SCAPER: variants seen among roughly 807,000 people sequenced by gnomAD.
SCAPER encodes the protein S-phase cyclin A associated protein in the ER, also known as S phase cyclin A-associated protein in the endoplasmic reticulum.
SCAPER carries 98 observed loss-of-function variants against 182.2 expected under a neutral mutation model. The ratio of observed to expected loss-of-function variants is 0.54; its 90% CI spans 0.46 to 0.64. The LOEUF (loss-of-function observed/expected upper bound fraction) is 0.64. Among genes scored for constraint, SCAPER ranks in the 30% least tolerant of loss-of-function variants. The pLI, the probability that SCAPER is intolerant of heterozygous loss-of-function variation, is 0.00. For synonymous variants in SCAPER, 605 were observed against 564.6 expected (o/e 1.07, Z -1.01); for missense variants, 1,432 against 1,690.0 (o/e 0.85, Z 2.68).
rs115333490 is a variant in SCAPER, at chr15:76,647,631, C to G, written c.2645+18022G>C. ...TATGCAGAGAAGGTCTACAAATCTT[C>G]AGAGAGGCCCCACTGAGTCTCTGGC... is the stretch of plus-strand genomic sequence containing the variant. On this transcript the variant is annotated intron_variant, in intron 21 of 31. Transcript: ENST00000563290. Among the ~76,000 whole-genome samples, 1,238 of 152,284 alleles carry G rather than the reference C, an allele frequency of 8.1e-3. 13 individuals carry two copies. Among genetic ancestry groups the G allele is most frequent in the African/African-American group, 0.028 (1,174 of 41,562 alleles).
chr15:76,598,215 G>C (rs537319429), intron 22 of SCAPER, among the ~76,000 whole-genome samples: 1 of 121,834 alleles, frequency 8.2e-6, no homozygotes, highest in East Asian at 2.2e-4. Flanking sequence ...ATCATCAATG[G>C]TCATTAAAGA....
chr15:76,759,199 G>GT (rs2062628775), intron 14 of SCAPER, among the ~76,000 whole-genome samples: 4 of 152,126 alleles, frequency 2.6e-5, no homozygotes, highest in Admixed American at 2.6e-4. Flanking sequence ...TTAACTGTGG[G>GT]TTGTTCATAT....
chr15:76,687,207 C>G (rs941482088), intron 20 of SCAPER, among the ~76,000 whole-genome samples: 1 of 151,812 alleles, frequency 6.6e-6, no homozygotes, highest in Admixed American at 6.6e-5. Flanking sequence ...TGAACAAAAA[C>G]CAATCGGATA....
rs113037320 is a variant in SCAPER at position 76,733,134 on chromosome 15, C to T, written c.2022+95G>A. On this transcript the variant is annotated intron_variant, in intron 16 of 31. Coordinates refer to ENST00000563290, the MANE Select transcript of SCAPER (RefSeq NM_020843.4). ...CTTTATTTCTACAATCTCCCATCTC[C>T]GCACATGGGGAGAAAAACCCACCGA... 1.1e-3 allele frequency: 1,265 copies of T among 1,105,624 alleles called. 13 individuals are homozygous for T. The African/African-American group carries it at 0.016, about 14-fold the overall frequency. 68.5% of individuals were successfully genotyped at this position (1,105,624 alleles called of 1,614,324 possible). A position where few individuals can be genotyped will look rare whatever the true frequency, so the allele number is the denominator to read the frequency against.
chr15:76,709,388 C>T (rs1279831984), intron 17 of SCAPER, among the ~76,000 whole-genome samples: 2 of 152,264 alleles, frequency 1.3e-5, no homozygotes, highest in Non-Finnish European at 2.9e-5. Context: ...CACGCCTTGG[C>T]CTCCCAAAGT....
At chr15:76,788,302 A>G (rs1260046342) in intron 8 of SCAPER, among the ~76,000 whole-genome samples, 1 of 152,216 alleles carries the variant, frequency 6.6e-6, no homozygotes, top group Non-Finnish European at 1.5e-5. Flanking sequence ...TATACTAAAA[A>G]CCAATGAACT....
Position 76,354,128 on chromosome 15 carries a change from A to G in SCAPER, c.3868T>C (p.Ser1290Pro). 1.2e-6 allele frequency: 2 copies of G among 1,604,054 alleles called. No individual in the cohort carries two copies. Among genetic ancestry groups the G allele is most frequent in the Non-Finnish European group, 1.7e-6 (2 of 1,176,772 alleles). ...TGCAGCACTGTGGGGTGGCGGCCGG[A>G]CTGCACGATCACCTGAAATGGAAGA... ...NHPDNQVIVQ[S>P]GRHPTVLQKL... The change falls in exon 30 of 32, where the codon TCC becomes CCC. Residue 1290 changes from serine to proline, a missense_variant. Physicochemically the swap from Ser to Pro is moderately conservative, Grantham distance 74. Transcript: ENST00000563290. The surrounding 1 kb of genome is among the most constrained non-coding windows in gnomAD (Gnocchi z 4.4).
chr15:76,583,449 A>G, intron 22 of SCAPER, among the ~76,000 whole-genome samples: 1 of 152,188 alleles, frequency 6.6e-6, no homozygotes, highest in Admixed American at 6.5e-5. Flanking sequence ...AATCTTCTGC[A>G]TAGCAGAGGA....
chr15:76,468,506 C>G (rs2049866784), intron 25 of SCAPER, among the ~76,000 whole-genome samples: 1 of 152,008 alleles, frequency 6.6e-6, no homozygotes, highest in South Asian at 2.1e-4. Flanking sequence ...CTTTATTATT[C>G]AAAGGGAACT....
chr15:76,608,760 G>A (rs1244896899), intron 22 of SCAPER, among the ~76,000 whole-genome samples: 1 of 152,206 alleles, frequency 6.6e-6, no homozygotes, highest in Non-Finnish European at 1.5e-5. Context: ...CTGCCTTGCA[G>A]TTTGGTCTCG....
intron 23 of SCAPER, among the ~76,000 whole-genome samples, chr15:76,507,484 T>C (rs1034000661): frequency 3.3e-5 from 5 of 152,292 alleles, no homozygotes; most frequent in African/African-American, 9.6e-5. Context: ...TCTAATAGCA[T>C]TCCACAGCCT....
chr15:76,361,364 A>G (rs902506511), intron 29 of SCAPER, among the ~76,000 whole-genome samples: 7 of 152,226 alleles, frequency 4.6e-5, no homozygotes, highest in African/African-American at 1.2e-4. Context: ...CTAGCCAAGC[A>G]TGGTGTTAGG....
At chr15:76,855,739 G>A (rs1183082543) in intron 4 of SCAPER, 4 of 267,944 alleles carry the variant, frequency 1.5e-5, no homozygotes, top group Non-Finnish European at 3.3e-5. Flanking sequence ...ACACCAGTCG[G>A]AATGGCTATT....
chr15:76,872,383 A>C (rs2072787923), intron 2 of SCAPER, among the ~76,000 whole-genome samples: 1 of 152,176 alleles, frequency 6.6e-6, no homozygotes, highest in Non-Finnish European at 1.5e-5. Context: ...AAAGAAAACC[A>C]AACATAAGTA....
intron 24 of SCAPER, among the ~76,000 whole-genome samples, chr15:76,475,212 T>G (rs2050527529): frequency 1.3e-5 from 2 of 152,210 alleles, no homozygotes; most frequent in Middle Eastern, 6.3e-3. Flanking sequence ...TCTAGTCTTT[T>G]TCCTATTCTT....
At chr15:76,686,161 A>G (rs1282090913) in intron 20 of SCAPER, among the ~76,000 whole-genome samples, 1 of 152,056 alleles carries the variant, frequency 6.6e-6, no homozygotes, top group African/African-American at 2.4e-5. Flanking sequence ...TCCAATATAC[A>G]TAACTAATAA....
chr15:76,637,611 CAGG>C (rs1046994914), intron 21 of SCAPER, among the ~76,000 whole-genome samples: 4 of 151,398 alleles, frequency 2.6e-5, no homozygotes, highest in African/African-American at 9.7e-5. Flanking sequence ...GAGGCTGAGG[CAGG>C]AGGATTGCTT....
At chr15:76,747,103 T>C (rs1402206342) in intron 15 of SCAPER, among the ~76,000 whole-genome samples, 1 of 152,192 alleles carries the variant, frequency 6.6e-6, no homozygotes, top group Non-Finnish European at 1.5e-5. Context: ...TGTTCCCATT[T>C]CAAAGCTTAC....
At chr15:76,791,849 T>C (rs2151454193) in intron 8 of SCAPER, among the ~76,000 whole-genome samples, 1 of 152,038 alleles carries the variant, frequency 6.6e-6, no homozygotes, top group African/African-American at 2.4e-5. Context: ...TAAGGACTAA[T>C]TAAAACACAT....
Sources: gnomAD v4.1 joint callset for allele counts (sites outside exome capture counted in the v4.1 genomes callset) on GRCh38, gnomAD v4.1.1 for gene constraint, Gnocchi (gnomAD v3.1) non-coding constraint, MANE v1.5 for transcripts, NCBI Gene and HGNC (gene_info 2026-07-23, HGNC 2026-07-21) for gene names.